The following ADCY9 variants were observed in gnomAD, a reference collection of about 807,000 sequenced individuals.
ADCY9 encodes the protein adenylate cyclase 9, also known as adenylate cyclase type 9.
Under a neutral mutation model 101.5 loss-of-function variants are expected in ADCY9, and 50 were observed. The observed-to-expected ratio is 0.49, with a 90% confidence interval of 0.39 to 0.62. ADCY9 has a LOEUF of 0.62. Among genes scored for constraint, ADCY9 ranks in the 20% least tolerant of loss-of-function variants. The probability of loss-of-function intolerance (pLI) is 0.00; values close to 1 mark genes in which losing one functional copy is unlikely to be tolerated. For missense variants in ADCY9, 1,662 were observed against 1,800.4 expected, an observed-to-expected ratio of 0.92 and a Z score of 1.39; for synonymous variants, 905 against 769.3, an observed-to-expected ratio of 1.18 and a Z score of -2.92.
intron 2 of ADCY9, among the ~76,000 whole-genome samples, chr16:4,090,665 G>A (rs2056967677): frequency 6.6e-6 from 1 of 151,996 alleles, no homozygotes; most frequent in South Asian, 2.1e-4. Flanking sequence ...TATTTAGACG[G>A]TGTGGATTCA....
intron 2 of ADCY9, among the ~76,000 whole-genome samples, chr16:4,053,082 C>T (rs535021103): frequency 1.9e-4 from 29 of 152,162 alleles, no homozygotes; most frequent in African/African-American, 6.8e-4. Flanking sequence ...ACATGTCACA[C>T]GTAAACGATA....
chr16:4,086,845 A>T (rs1265308918), intron 2 of ADCY9, among the ~76,000 whole-genome samples: 1 of 151,782 alleles, frequency 6.6e-6, no homozygotes, highest in African/African-American at 2.4e-5. Context: ...TTTTTAGTAG[A>T]GATGGGGTTT....
intron 2 of ADCY9, among the ~76,000 whole-genome samples, chr16:4,064,769 A>G (rs2056791144): frequency 6.6e-6 from 1 of 152,048 alleles, no homozygotes; most frequent in Non-Finnish European, 1.5e-5. Context: ...ATGAGCCACT[A>G]CATTTGGCCA....
At chr16:4,087,313 C>T (rs983426024) in intron 2 of ADCY9, among the ~76,000 whole-genome samples, 1 of 151,772 alleles carries the variant, frequency 6.6e-6, no homozygotes, top group East Asian at 1.9e-4. Context: ...GGCAGGCAGA[C>T]TGGTTGAGAC....
In ADCY9 at chr16:3,989,074, TA is replaced by T; in HGVS notation, c.2229del (p.Phe743LeufsTer10). The T allele has an allele frequency of 6.2e-7, 1 of 1,613,904 alleles. No homozygotes were observed. The highest frequency in any genetic ancestry group is 8.5e-7 in the Non-Finnish European group (1 of 1,179,794). On this transcript the variant is annotated frameshift_variant, in exon 6 of 11. Coordinates refer to ENST00000294016, the MANE Select transcript of ADCY9 (RefSeq NM_001116.4). LOFTEE classifies it high-confidence loss of function. ...AGGCTGAACTGATTAATGGGCGGCT[TA>T]AAAAAGTAATCTTTCATCAGGCTAG... ...KEDSLMKDYF[F>X]KPPINQFSLN...
rs987458544 is a variant in ADCY9, at chr16:4,080,828, A to T, written c.1693+32922T>A. The stretch of plus-strand genomic sequence containing the variant: ...CCCCTTGCCTCTTCTTTAAACTCCT[A>T]ATTCAAAATTTTGGTTTCTGATAAC... On this transcript the variant is annotated intron_variant, in intron 2 of 10. Coordinates refer to ENST00000294016, the MANE Select transcript of ADCY9 (RefSeq NM_001116.4). 2.0e-5 allele frequency among the ~76,000 whole-genome samples: 3 copies of T among 150,870 alleles called. No homozygotes were observed. The South Asian group carries it at 6.3e-4, about 31-fold the overall frequency.
At chr16:4,113,145 C>T (rs962863158) in intron 2 of ADCY9, among the ~76,000 whole-genome samples, 4 of 150,752 alleles carry the variant, frequency 2.7e-5, no homozygotes. Flanking sequence ...CAAATGATGG[C>T]TGAAAGCTGA....
chr16:3,973,046 T>C (rs1398885225), intron 10 of ADCY9, among the ~76,000 whole-genome samples: 1 of 152,210 alleles, frequency 6.6e-6, no homozygotes, highest in African/African-American at 2.4e-5. Flanking sequence ...TATATATAAA[T>C]ACCTAGTTGT....
At position 3,965,781 on chromosome 16, in the gene ADCY9, A is replaced by G; in HGVS notation, c.4056T>C (p.Ser1352=). ...NELTKLNVSK[S]V is the part of the protein sequence containing the mutation. ...GCAGCGGGTGGGCGCCGCCTCACAC[A>G]CTCTTTGAAACGTTGAGCTTGGTGA... Residue 1352 remains serine, a synonymous_variant, in exon 11 of 11, where the codon AGT becomes AGC. Coordinates refer to ENST00000294016, the MANE Select transcript of ADCY9 (RefSeq NM_001116.4). 6.2e-7 allele frequency: 1 copy of G among 1,609,310 alleles called. No individual in the cohort carries two copies. Among genetic ancestry groups the G allele is most frequent in the Non-Finnish European group, 8.5e-7 (1 of 1,177,260 alleles).
At chr16:3,985,173 G>A (rs1286518779) in intron 6 of ADCY9, among the ~76,000 whole-genome samples, 1 of 130,948 alleles carries the variant, frequency 7.6e-6, no homozygotes, top group Admixed American at 8.9e-5. Flanking sequence ...GATGGGATCT[G>A]GCTGTCGCCA....
chr16:4,082,890 G>C (rs919656479), intron 2 of ADCY9, among the ~76,000 whole-genome samples: 1 of 152,238 alleles, frequency 6.6e-6, no homozygotes, highest in Non-Finnish European at 1.5e-5. Context: ...TGGCCAAAGG[G>C]AGCTGAGAGA....
chr16:4,003,554 CTTTCT>C (rs1382211974), intron 3 of ADCY9, among the ~76,000 whole-genome samples: 1 of 135,124 alleles, frequency 7.4e-6, no homozygotes, highest in Non-Finnish European at 1.6e-5. Flanking sequence ...TGTGTTTGCT[CTTTCT>C]TTTCTTTTTT....
At chr16:4,078,697 T>C (rs2056883868) in intron 2 of ADCY9, among the ~76,000 whole-genome samples, 2 of 152,068 alleles carry the variant, frequency 1.3e-5, no homozygotes, top group South Asian at 2.1e-4. Context: ...GATTGATAGA[T>C]AAGACCAACA....
intron 2 of ADCY9, among the ~76,000 whole-genome samples, chr16:4,076,212 C>G (rs1284583183): frequency 6.6e-6 from 1 of 152,124 alleles, no homozygotes; most frequent in Non-Finnish European, 1.5e-5. Context: ...TCTTACAAAA[C>G]AAAAATGCAA....
chr16:4,043,293 G>A (rs1311632675), intron 2 of ADCY9, among the ~76,000 whole-genome samples: 1 of 152,106 alleles, frequency 6.6e-6, no homozygotes, highest in Non-Finnish European at 1.5e-5. Flanking sequence ...ATCGTATAAT[G>A]TGTTATATGT....
rs2055998622 is a variant in ADCY9 at position 3,966,569 on chromosome 16, C to T, written c.3268G>A (p.Gly1090Arg). The T allele has an allele frequency of 1.2e-6, 2 of 1,614,130 alleles. No homozygotes were observed. Among genetic ancestry groups the T allele is most frequent in the Non-Finnish European group, 1.7e-6 (2 of 1,180,036 alleles). ...TTGCTTAGGAGCTCGTCAAAGTCCC[C>T]GATGAGCTCGTTGAGGACCCGGTAG... ...ECYRVLNELI[G>R]DFDELLSKPD... Residue 1090 changes from glycine to arginine, a missense_variant, in exon 11 of 11, where the codon GGG becomes AGG. By Grantham distance (125) the Gly-to-Arg change is moderately radical. Transcript: ENST00000294016.
chr16:4,060,048 T>C (rs941236554), intron 2 of ADCY9, among the ~76,000 whole-genome samples: 3 of 152,078 alleles, frequency 2.0e-5, no homozygotes, highest in East Asian at 1.9e-4. Context: ...GCTGTGAAAA[T>C]TGGTGGCTCC....
chr16:4,070,930 G>A (rs1266078625), intron 2 of ADCY9, among the ~76,000 whole-genome samples: 1 of 151,546 alleles, frequency 6.6e-6, no homozygotes, highest in Non-Finnish European at 1.5e-5. Flanking sequence ...CTTGGCAACA[G>A]AGAGAGTCTC....
At chr16:4,055,805 G>T (rs2056734006) in intron 2 of ADCY9, among the ~76,000 whole-genome samples, 1 of 152,028 alleles carries the variant, frequency 6.6e-6, no homozygotes, top group African/African-American at 2.4e-5. Context: ...CTGCACTCCA[G>T]CGTGGGCGAC....
Sources: gnomAD v4.1 joint callset for allele counts (sites outside exome capture counted in the v4.1 genomes callset) on GRCh38, gnomAD v4.1.1 for gene constraint, MANE v1.5 for transcripts, NCBI Gene and HGNC (gene_info 2026-07-23, HGNC 2026-07-21) for gene names.